Variants in SLC39A6 observed in about 807,000 individuals in gnomAD.
The protein encoded by SLC39A6 is zinc transporter ZIP6.
SLC39A6 carries 51 observed loss-of-function variants against 63.5 expected under a neutral mutation model. That is an observed-to-expected ratio of 0.80 (90% CI 0.64 to 1.01). SLC39A6 has a LOEUF of 1.01. Among genes scored for constraint, SLC39A6 ranks in the 50% least tolerant of loss-of-function variants. The probability of loss-of-function intolerance (pLI) is 0.00; values close to 1 mark genes in which losing one functional copy is unlikely to be tolerated. For synonymous variants in SLC39A6, 318 were observed against 324.7 expected, an observed-to-expected ratio of 0.98 and a Z score of 0.22; for missense variants, 805 against 927.8, an observed-to-expected ratio of 0.87 and a Z score of 1.72.
In SLC39A6 at chr18:36,114,003, T is replaced by C. The variant is rs577872811; in HGVS notation, c.1843+94A>G. On this transcript the variant is annotated intron_variant, in intron 7 of 9. Transcript: ENST00000269187. ...ATCTTGGAAGTCACTAATATCCTCATCTAAACTAATCTATTCTTTGTTAAA... is the reference window on the plus strand; with the variant it reads ...ATCTTGGAAGTCACTAATATCCTCACCTAAACTAATCTATTCTTTGTTAAA... 19 of 1,444,020 alleles carry C rather than the reference T, an allele frequency of 1.3e-5. No homozygotes were observed. In the South Asian group the frequency reaches 2.4e-4, roughly 19 times the overall value. The allele number at this position is 1,444,020 out of a possible 1,614,324, so 89.5% of individuals were successfully genotyped here.
chr18:36,117,766 G>T lies in SLC39A6; in HGVS notation c.1360-987C>A, dbSNP rs188281185. ...GGCAAACACGGCCGGGCATGGTGGC[G>T]AACGCCTGTAATCCCAGCACTTTGG... On this transcript the variant is annotated intron_variant, in intron 5 of 9. Transcript: ENST00000269187. Among the ~76,000 whole-genome samples the T allele has an allele frequency of 6.5e-3, 983 of 152,180 alleles. 10 individuals are homozygous for T. The highest frequency in any genetic ancestry group is 0.01 in the Non-Finnish European group (695 of 68,006).
In SLC39A6 at chr18:36,111,099, A is replaced by G; in HGVS notation, c.2075T>C (p.Leu692Pro). 2 of 1,614,232 alleles carry G rather than the reference A, an allele frequency of 1.2e-6. No individual in the cohort carries two copies. The highest frequency in any genetic ancestry group is 1.7e-6 in the Non-Finnish European group (2 of 1,180,024). The change falls in exon 9 of 10, where the codon CTT becomes CCT. Residue 692 changes from leucine to proline, a missense_variant. Physicochemically the swap from Leu to Pro is moderately conservative, Grantham distance 98 (BLOSUM62 -3). Around this residue, in one of 4 missense-constraint regions of SLC39A6, gnomAD observed 145 missense variants for 227.2 expected, o/e 0.64. Transcript: ENST00000269187. ...AACATACATGAATAAGCCAGCAGTA[A>G]GTGCAAATATCCACATAGAAACATT... is the stretch of plus-strand genomic sequence containing the variant. ...AENVSMWIFALTAGLFMYVAL... is the reference protein window; with the variant it reads ...AENVSMWIFAPTAGLFMYVAL...
intron 3 of SLC39A6, 60 bp from the exon 4 acceptor site, chr18:36,123,724 A>C: frequency 6.6e-7 from 1 of 1,506,306 alleles, no homozygotes; most frequent in Non-Finnish European, 8.9e-7. Context: ...CTCTACAAGA[A>C]AGACTTTTGG....
intron 8 of SLC39A6, 54 bp from the exon 9 acceptor site, chr18:36,111,303 A>T: frequency 6.4e-7 from 1 of 1,552,314 alleles, no homozygotes; most frequent in Non-Finnish European, 8.8e-7. Flanking sequence ...CATTTTTAAG[A>T]CACATACCAA....
At chr18:36,125,415 A>G (rs1027623786) in intron 2 of SLC39A6, among the ~76,000 whole-genome samples, 2 of 151,852 alleles carry the variant, frequency 1.3e-5, no homozygotes, top group African/African-American at 4.8e-5. Flanking sequence ...CATCTTCTGT[A>G]AAGACATTTT....
intron 4 of SLC39A6, among the ~76,000 whole-genome samples, chr18:36,122,686 G>A (rs1463528894): frequency 2.0e-5 from 3 of 152,210 alleles, no homozygotes; most frequent in Non-Finnish European, 4.4e-5. Flanking sequence ...ATGTACCCGA[G>A]ATCCAGGTGC....
intron 5 of SLC39A6, among the ~76,000 whole-genome samples, chr18:36,119,127 C>T (rs1005050917): frequency 1.3e-5 from 2 of 152,210 alleles, no homozygotes; most frequent in African/African-American, 4.8e-5. Context: ...AGTAAAATGC[C>T]CTGTTACGAG....
intron 5 of SLC39A6, among the ~76,000 whole-genome samples, chr18:36,121,706 C>T (rs551326515): frequency 3.2e-4 from 48 of 152,270 alleles, no homozygotes; most frequent in Admixed American, 4.6e-4. Flanking sequence ...ATTAGTTAAT[C>T]GTAACTACTA....
At chr18:36,123,699 T>C (rs1228280396) in intron 3 of SLC39A6, 35 bp from the exon 4 acceptor site, 3 of 1,565,824 alleles carry the variant, frequency 1.9e-6, no homozygotes. Context: ...AAAGAAAAAT[T>C]ATACAACTAA....
chr18:36,126,774 T>C lies in SLC39A6; in HGVS notation c.234A>G (p.Leu78=). The change falls in exon 2 of 10, where the codon TTA becomes TTG. Residue 78 remains leucine, a synonymous_variant. Coordinates refer to ENST00000269187, the MANE Select transcript of SLC39A6 (RefSeq NM_012319.4). ...TCTTATCTATGCCTATATTTTGAAG[T>C]AATTTTCTGAACCCTTCAACTGACA... ...NSLSVEGFRK[L]LQNIGIDKIK... The C allele has an allele frequency of 1.2e-6, 2 of 1,614,108 alleles. No individual in the cohort carries two copies. The highest frequency in any genetic ancestry group is 2.2e-5 in the East Asian group (1 of 44,908).
chr18:36,128,095 T>C (rs1398203515), intron 1 of SLC39A6, among the ~76,000 whole-genome samples: 1 of 152,204 alleles, frequency 6.6e-6, no homozygotes, highest in Non-Finnish European at 1.5e-5. Flanking sequence ...TCATCCACAG[T>C]AGTGTTTGGA....
Position 36,114,125 on chromosome 18 carries a change from C to T in SLC39A6, c.1815G>A (p.Leu605=). Residue 605 remains leucine (L), a synonymous_variant, in exon 7 of 10, where the codon CTG becomes CTA. Coordinates refer to ENST00000269187, the MANE Select transcript of SLC39A6 (RefSeq NM_012319.4). The part of the protein sequence containing the change: ...LAWMVIMGDG[L]HNFSDGLAIG... Reference sequence around the variant, plus strand: ...TTGCTAGGCCATCGCTGAAATTGTGCAGGCCATCACCCATTATCACCATCC... The same window carrying T: ...TTGCTAGGCCATCGCTGAAATTGTGTAGGCCATCACCCATTATCACCATCC... 6.2e-7 allele frequency: 1 copy of T among 1,608,640 alleles called. No homozygotes were observed. The highest frequency in any genetic ancestry group is 8.5e-7 in the Non-Finnish European group (1 of 1,176,750).
At position 36,114,218 on chromosome 18, in the gene SLC39A6, A is replaced by G; in HGVS notation, c.1722T>C (p.His574=). 1.2e-6 allele frequency: 2 copies of G among 1,613,778 alleles called. No individual in the cohort carries two copies. The highest frequency in any genetic ancestry group is 1.7e-6 in the Non-Finnish European group (2 of 1,179,912). ...AGTAGCGCTGGCTGTGACTGTGAGG[A>G]TGGTGGTTTTGGTGGTGGTGATGAT... ...ILHHHHHQNH[H]PHSHSQRYSR... is the part of the protein sequence containing the mutation. The change falls in exon 7 of 10, where the codon CAT becomes CAC. Residue 574 remains histidine, a synonymous_variant. Coordinates refer to ENST00000269187, the MANE Select transcript of SLC39A6 (RefSeq NM_012319.4).
rs2089279600 is a variant in SLC39A6 at position 36,108,828 on chromosome 18, T to C, written c.*765A>G. The stretch of plus-strand genomic sequence containing the variant: ...ACTTGGCAATAACCCAGTCTGGTGA[T>C]ACATAAAACTACTCACTGTACTCAT... On this transcript the variant is annotated 3_prime_UTR_variant, in exon 10 of 10. Transcript: ENST00000269187. 6.6e-6 allele frequency: 1 copy of C among 152,234 alleles called. No homozygotes were observed. The highest frequency in any genetic ancestry group is 6.5e-5 in the Admixed American group (1 of 15,276). The allele number at this position is 152,234 out of a possible 1,614,324, so 9.4% of individuals were successfully genotyped here.
chr18:36,112,692 AG>A, intron 7 of SLC39A6, 111 bp from the exon 8 acceptor site: 1 of 758,486 alleles, frequency 1.3e-6, no homozygotes, highest in South Asian at 1.6e-5. Flanking sequence ...GTGAATGAAT[AG>A]AAGTTTCCCA....
At chr18:36,124,018 ATT>A (rs1048011651) in intron 3 of SLC39A6, among the ~76,000 whole-genome samples, 14 of 148,516 alleles carry the variant, frequency 9.4e-5, no homozygotes, top group African/African-American at 3.4e-4. Flanking sequence ...TGATAAAAGA[ATT>A]TTTTTTTTTT....
intron 1 of SLC39A6, among the ~76,000 whole-genome samples, chr18:36,127,921 T>A (rs948419): frequency 1.2e-4 from 18 of 151,796 alleles, no homozygotes; most frequent in Non-Finnish European, 2.6e-4. Flanking sequence ...CTCAAATAAG[T>A]GTATACTTTA....
chr18:36,122,804 C>A (rs1428205814), intron 4 of SLC39A6, among the ~76,000 whole-genome samples: 2 of 152,200 alleles, frequency 1.3e-5, no homozygotes, highest in East Asian at 3.8e-4. Flanking sequence ...GAGTACACCC[C>A]ATACACACGC....
chr18:36,127,433 G>C (rs970814712), intron 1 of SLC39A6, among the ~76,000 whole-genome samples: 2 of 152,038 alleles, frequency 1.3e-5, no homozygotes, highest in African/African-American at 4.8e-5. Flanking sequence ...CAGCACTTTG[G>C]GAGGCTGAGG....
Sources: gnomAD v4.1 joint callset for allele counts (sites outside exome capture counted in the v4.1 genomes callset) on GRCh38, gnomAD v4.1.1 for gene constraint, gnomAD v4.1.1 regional missense constraint, MANE v1.5 for transcripts, NCBI Gene and HGNC (gene_info 2026-07-23, HGNC 2026-07-21) for gene names.